Variants in CNTN6 observed in about 807,000 individuals in gnomAD.
CNTN6 encodes the protein contactin-6.
In CNTN6, 137 loss-of-function variants were observed where a neutral mutation model predicts 122.8. The ratio of observed to expected loss-of-function variants is 1.12; its 90% CI spans 0.97 to 1.29. The LOEUF (loss-of-function observed/expected upper bound fraction) is 1.29, where lower values mean the gene tolerates loss of function less well. CNTN6 is among the 50% of genes most tolerant of loss of function. The pLI, the probability that CNTN6 is intolerant of heterozygous loss-of-function variation, is 0.00. For missense variants in CNTN6, 1,634 were observed against 1,223.4 expected (o/e 1.34, Z -5.01); for synonymous variants, 570 against 426.0 (o/e 1.34, Z -4.16).
intron 5 of CNTN6, among the ~76,000 whole-genome samples, chr3:1,290,335 G>C (rs994510349): frequency 6.6e-6 from 1 of 152,216 alleles, no homozygotes; most frequent in African/African-American, 2.4e-5. Flanking sequence ...GACAGGAAAT[G>C]TTAATGGGGG....
At chr3:1,280,657 T>G (rs1575537172) in intron 5 of CNTN6, among the ~76,000 whole-genome samples, 2 of 151,142 alleles carry the variant, frequency 1.3e-5, no homozygotes, top group African/African-American at 2.4e-5. Context: ...TAGAGACGGG[T>G]TTTCGCCATG....
At chr3:1,142,968 G>GTGTGTGTGTATATA (rs1217250181) in intron 1 of CNTN6, among the ~76,000 whole-genome samples, 1 of 128,650 alleles carries the variant, frequency 7.8e-6, no homozygotes, top group African/African-American at 3.1e-5. Context: ...GTGTGTGTGT[G>GTGTGTGTGTATATA]TATATATATA....
chr3:1,303,047 C>G (rs925396520), intron 7 of CNTN6, among the ~76,000 whole-genome samples: 1 of 152,148 alleles, frequency 6.6e-6, no homozygotes, highest in Non-Finnish European at 1.5e-5. Context: ...GTGAGCCCAT[C>G]AAAGCCATCC....
At position 1,137,192 on chromosome 3, in the gene CNTN6, GAA is replaced by G. The variant is rs535220830; in HGVS notation, c.-82-10733_-82-10732del. On this transcript the variant is annotated intron_variant, in intron 1 of 22. Coordinates refer to ENST00000446702, the MANE Select transcript of CNTN6 (RefSeq NM_001289080.2). Reference sequence around the variant, plus strand: ...CCTTCCAAGACTGGGCAGGTAATATGAAAGAGTGAAGGGAACTAGGTGTGAGA... The same window carrying G: ...CCTTCCAAGACTGGGCAGGTAATATGAGAGTGAAGGGAACTAGGTGTGAGA... 3.7e-3 allele frequency among the ~76,000 whole-genome samples: 570 copies of G among 152,258 alleles called. 5 individuals carry two copies. Among genetic ancestry groups the G allele is most frequent in the South Asian group, 0.023 (110 of 4,818 alleles).
In CNTN6 at chr3:1,333,371, T is replaced by C. The variant is rs73819708; in HGVS notation, c.1364+3436T>C. ...AACGCTGAGCCCAGTACACATTTTT[T>C]AATGCCACACCAGACTGATTATTTC... On this transcript the variant is annotated intron_variant, in intron 11 of 22. Coordinates refer to ENST00000446702, the MANE Select transcript of CNTN6 (RefSeq NM_001289080.2). Among the ~76,000 whole-genome samples the C allele has an allele frequency of 8.3e-3, 1,259 of 152,210 alleles. 17 individuals are homozygous for C. Among genetic ancestry groups the C allele is most frequent in the African/African-American group, 0.028 (1,145 of 41,556 alleles).
In CNTN6 at chr3:1,383,190, A is replaced by C. The variant is rs1692201733; in HGVS notation, c.2401+14A>C. ...CTGGGGAAGATGGTAAGTTGTCCTC[A>C]ACTCTGGTTTTCTTTGAGACTCTAT... On this transcript the variant is annotated intron_variant, in intron 18 of 22. Coordinates refer to ENST00000446702, the MANE Select transcript of CNTN6 (RefSeq NM_001289080.2). 6.2e-7 allele frequency: 1 copy of C among 1,608,340 alleles called. No individual in the cohort carries two copies. The highest frequency in any genetic ancestry group is 8.5e-7 in the Non-Finnish European group (1 of 1,175,086).
In CNTN6 at chr3:1,404,017, T is replaced by A. The variant is rs1327992600; in HGVS notation, c.*599T>A. The A allele has an allele frequency of 6.6e-6, 1 of 152,138 alleles. No individual in the cohort carries two copies. The highest frequency in any genetic ancestry group is 1.5e-5 in the Non-Finnish European group (1 of 68,032). 9.4% of individuals were successfully genotyped at this position (152,138 alleles called of 1,614,324 possible). A position where few individuals can be genotyped will look rare whatever the true frequency, so the allele number is the denominator to read the frequency against. On this transcript the variant is annotated 3_prime_UTR_variant, in exon 23 of 23. Transcript: ENST00000446702. ...AGTCACAATAAAGGCAGAAAAAGTA[T>A]TTTATGGCAAAGAAAAATAAATGAT...
At chr3:1,388,723 C>G (rs1387662397) in intron 20 of CNTN6, among the ~76,000 whole-genome samples, 4 of 148,378 alleles carry the variant, frequency 2.7e-5, no homozygotes, top group South Asian at 4.3e-4. Context: ...CTTAAAGGAG[C>G]TGATGGAGCT....
At chr3:1,350,464 C>G (rs556927521) in intron 11 of CNTN6, among the ~76,000 whole-genome samples, 40 of 151,918 alleles carry the variant, frequency 2.6e-4, no homozygotes, top group African/African-American at 8.9e-4. Context: ...TCTTAGTTTG[C>G]TCTCTCAGTA....
intron 2 of CNTN6, among the ~76,000 whole-genome samples, chr3:1,207,615 AC>A (rs2093975491): frequency 2.6e-5 from 4 of 151,802 alleles, no homozygotes; most frequent in African/African-American, 9.7e-5. Context: ...TCTCCATAGC[AC>A]TCACAACAAT....
At chr3:1,381,122 CA>C (rs926012779) in intron 17 of CNTN6, among the ~76,000 whole-genome samples, 1 of 152,064 alleles carries the variant, frequency 6.6e-6, no homozygotes, top group African/African-American at 2.4e-5. Context: ...ACTTGACTAA[CA>C]AAAACAAAAC....
chr3:1,367,023 A>T, intron 12 of CNTN6, among the ~76,000 whole-genome samples: 1 of 152,140 alleles, frequency 6.6e-6, no homozygotes. Flanking sequence ...TGCATTTCTA[A>T]AATTTTTAAT....
chr3:1,212,065 T>C (rs1575256100), intron 2 of CNTN6, among the ~76,000 whole-genome samples: 1 of 152,134 alleles, frequency 6.6e-6, no homozygotes, highest in East Asian at 1.9e-4. Context: ...TTAGATGTAA[T>C]ATTGCAGTCA....
intron 1 of CNTN6, among the ~76,000 whole-genome samples, chr3:1,135,025 C>G (rs78248601): frequency 0.014 from 2,110 of 152,134 alleles, 62 homozygotes; most frequent in African/African-American, 0.047. Flanking sequence ...GACCCCCATG[C>G]CCCATAGCAC....
At position 1,372,410 on chromosome 3, in the gene CNTN6, G is replaced by A. The variant is rs779025203; in HGVS notation, c.1604G>A (p.Trp535Ter). Reference sequence around the variant, plus strand: ...CCCTCCATTGAAGTGGTATTTGTATGGTTTTTCAATGGAGATGTCATAGAC... The same window carrying A: ...CCCTCCATTGAAGTGGTATTTGTATAGTTTTTCAATGGAGATGTCATAGAC... ...HDPSIEVVFV[W>*]FFNGDVIDLK... Residue 535 changes from tryptophan (W) to a stop codon, truncating the protein, a stop_gained, in exon 13 of 23, where the codon TGG becomes TAG. Transcript: ENST00000446702. LOFTEE classifies it high-confidence loss of function. 1 of 1,613,012 alleles carries A rather than the reference G, an allele frequency of 6.2e-7. No individual in the cohort carries two copies. The highest frequency in any genetic ancestry group is 1.1e-5 in the South Asian group (1 of 91,016).
At chr3:1,202,392 C>G (rs368004335) in intron 2 of CNTN6, among the ~76,000 whole-genome samples, 4 of 149,626 alleles carry the variant, frequency 2.7e-5, no homozygotes, top group Non-Finnish European at 4.5e-5. Flanking sequence ...TACAAGAAAT[C>G]AGCCGGGCGT....
intron 20 of CNTN6, among the ~76,000 whole-genome samples, chr3:1,390,790 A>G (rs1344482104): frequency 6.6e-6 from 1 of 151,702 alleles, no homozygotes; most frequent in African/African-American, 2.4e-5. Flanking sequence ...CTATGCAAAG[A>G]AACTAGAAAA....
At chr3:1,166,945 A>C (rs1253534608) in intron 2 of CNTN6, among the ~76,000 whole-genome samples, 2 of 151,978 alleles carry the variant, frequency 1.3e-5, no homozygotes, top group Non-Finnish European at 1.5e-5. Context: ...GTGGGGCTTA[A>C]AACCTAGATG....
At chr3:1,196,710 G>A (rs985341042) in intron 2 of CNTN6, among the ~76,000 whole-genome samples, 1 of 151,986 alleles carries the variant, frequency 6.6e-6, no homozygotes, top group Non-Finnish European at 1.5e-5. Context: ...TCTGGTGATG[G>A]GTTTATAGGA....
Sources: gnomAD v4.1 joint callset for allele counts (sites outside exome capture counted in the v4.1 genomes callset) on GRCh38, gnomAD v4.1.1 for gene constraint, MANE v1.5 for transcripts, NCBI Gene and HGNC (gene_info 2026-07-23, HGNC 2026-07-21) for gene names.